Variants in ECPAS observed in about 807,000 individuals in gnomAD.
ECPAS encodes proteasome adapter and scaffold protein ECM29.
A neutral mutation model predicts 255.1 loss-of-function variants in ECPAS; 70 were observed. The ratio of observed to expected loss-of-function variants is 0.27; its 90% CI spans 0.23 to 0.33. The LOEUF (loss-of-function observed/expected upper bound fraction) is 0.33. ECPAS is among the 10% of genes least tolerant of loss of function. The pLI is 1.00. For synonymous variants in ECPAS, 784 were observed against 775.0 expected (o/e 1.01, Z -0.19); for missense variants, 1,817 against 2,206.4 (o/e 0.82, Z 3.54).
chr9:111,363,199 A>T (rs1443937773), intron 49 of ECPAS, among the ~76,000 whole-genome samples: 2 of 142,842 alleles, frequency 1.4e-5, no homozygotes, highest in African/African-American at 2.6e-5. Context: ...GTCAGATTTG[A>T]TGACTCAGGT....
intron 24 of ECPAS, among the ~76,000 whole-genome samples, chr9:111,408,051 G>A (rs548337859): frequency 6.6e-6 from 1 of 152,316 alleles, no homozygotes; most frequent in Admixed American, 6.5e-5. Flanking sequence ...AGTGCAAGGC[G>A]GCCAAAGAGG....
chr9:111,433,192 G>T, intron 8 of ECPAS, 41 bp downstream of exon 8: 3 of 1,595,238 alleles, frequency 1.9e-6, no homozygotes, highest in Non-Finnish European at 2.6e-6. Context: ...TTTTAGAAAT[G>T]TAGTCCTTTC....
chr9:111,397,469 T>C (rs1315774139), intron 24 of ECPAS, among the ~76,000 whole-genome samples: 9 of 152,194 alleles, frequency 5.9e-5, no homozygotes, highest in Admixed American at 4.6e-4. Flanking sequence ...CCCATCAACT[T>C]TGAAGCCATG....
chr9:111,471,646 C>T (rs571408647), intron 2 of ECPAS, among the ~76,000 whole-genome samples: 2 of 152,238 alleles, frequency 1.3e-5, no homozygotes, highest in African/African-American at 4.8e-5. Flanking sequence ...AATCAAAAGA[C>T]CATCTGATAT....
intron 35 of ECPAS, among the ~76,000 whole-genome samples, chr9:111,381,241 G>T (rs938973013): frequency 7.2e-5 from 11 of 152,096 alleles, no homozygotes; most frequent in Non-Finnish European, 1.5e-5. Flanking sequence ...TTATTAATTA[G>T]CCTAATTCCA....
intron 2 of ECPAS, among the ~76,000 whole-genome samples, chr9:111,472,334 A>G (rs909168000): frequency 2.6e-5 from 4 of 152,134 alleles, no homozygotes; most frequent in African/African-American, 7.2e-5. Flanking sequence ...ATTGTGGCAC[A>G]CAAAGTTGTT....
In ECPAS at chr9:111,423,216, A is replaced by T; in HGVS notation, c.1248T>A (p.Ala416=). 6.4e-7 allele frequency: 1 copy of T among 1,561,212 alleles called. No individual in the cohort carries two copies. Among genetic ancestry groups the T allele is most frequent in the Non-Finnish European group, 8.7e-7 (1 of 1,151,080 alleles). Residue 416 remains alanine, a synonymous_variant, in exon 13 of 50, where the codon GCT becomes GCA. Transcript: ENST00000684092. Reference sequence around the variant, plus strand: ...TTACTCACCTGGAGAGTTTTCCAACAGCTGAATATGCCATTGACAGTAGTT... The same window carrying T: ...TTACTCACCTGGAGAGTTTTCCAACTGCTGAATATGCCATTGACAGTAGTT... ...DPKLLSMAYS[A]VGKLSSRMPH...
At chr9:111,362,992 T>G (rs1303145221) in intron 49 of ECPAS, among the ~76,000 whole-genome samples, 2 of 152,122 alleles carry the variant, frequency 1.3e-5, no homozygotes, top group Non-Finnish European at 2.9e-5. Context: ...GAAAAACGTT[T>G]CCATCTTCTA....
chr9:111,480,772 C>T (rs2098303559), intron 1 of ECPAS, among the ~76,000 whole-genome samples: 2 of 152,170 alleles, frequency 1.3e-5, no homozygotes, highest in South Asian at 2.1e-4. Context: ...CCAAGTCCAC[C>T]GATATCTGTG....
intron 38 of ECPAS, among the ~76,000 whole-genome samples, chr9:111,374,454 T>C (rs982024011): frequency 6.6e-6 from 1 of 152,200 alleles, no homozygotes; most frequent in Non-Finnish European, 1.5e-5. Flanking sequence ...TAAATGATGT[T>C]ACATCCATAC....
intron 39 of ECPAS, 49 bp downstream of exon 39, chr9:111,373,923 A>G: frequency 7.2e-7 from 1 of 1,392,394 alleles, no homozygotes; most frequent in Non-Finnish European, 1.0e-6. Context: ...TCTGTCACAC[A>G]AGACAGGGCT....
rs373795578 is a variant in ECPAS, at chr9:111,412,121, T to A, written c.2107A>T (p.Met703Leu). Residue 703 changes from methionine (M) to leucine (L), a missense_variant, in exon 21 of 50, where the codon ATG becomes TTG. This residue lies in a region of ECPAS where 573 missense variants were observed against 716.2 expected (regional missense o/e 0.80). Transcript: ENST00000684092. Reference sequence around the variant, plus strand: ...TAAAACAACGCTGCCAGTTCGCGCATTTCTTCTTTACTGTTATTCATCAGA... The same window carrying A: ...TAAAACAACGCTGCCAGTTCGCGCAATTCTTCTTTACTGTTATTCATCAGA... ...KSLMNNSKEE[M>L]RELAALFYSV... is the part of the protein sequence containing the mutation. The A allele has an allele frequency of 6.3e-5, 101 of 1,590,566 alleles. No homozygotes were observed. The highest frequency in any genetic ancestry group is 8.3e-5 in the Non-Finnish European group (97 of 1,173,648).
chr9:111,484,116 C>T lies in ECPAS; in HGVS notation c.-83G>A. The T allele has an allele frequency of 1.4e-6, 2 of 1,440,812 alleles. No homozygotes were observed. The highest frequency in any genetic ancestry group is 2.5e-4 in the Middle Eastern group (1 of 4,024). The allele number at this position is 1,440,812 out of a possible 1,614,324, so 89.3% of individuals were successfully genotyped here. On this transcript the variant is annotated splice_region_variant and 5_prime_UTR_variant, in exon 1 of 50. Transcript: ENST00000684092. ...CGCGGCCCGGGGGCGGGCCTCTGAC[C>T]TGAGTCGGAGCCGGTCTCCATGCCG...
chr9:111,441,694 T>C (rs967116388), intron 5 of ECPAS, among the ~76,000 whole-genome samples: 3 of 152,352 alleles, frequency 2.0e-5, no homozygotes, highest in Admixed American at 2.0e-4. Context: ...ACTTGTAATG[T>C]CTATTAATTT....
chr9:111,405,673 G>A (rs1272348992), intron 24 of ECPAS, among the ~76,000 whole-genome samples: 1 of 149,818 alleles, frequency 6.7e-6, no homozygotes, highest in Non-Finnish European at 1.5e-5. Flanking sequence ...TACACAATAA[G>A]TAAGGAATTC....
intron 18 of ECPAS, among the ~76,000 whole-genome samples, 171 bp from the exon 19 acceptor site, chr9:111,414,822 A>AT (rs1168280055): frequency 2.0e-5 from 3 of 152,264 alleles, no homozygotes; most frequent in Non-Finnish European, 2.9e-5. Context: ...AATTTGTATA[A>AT]TAAGGTTTGC....
chr9:111,465,293 A>G (rs2132040806), intron 2 of ECPAS, among the ~76,000 whole-genome samples: 1 of 152,248 alleles, frequency 6.6e-6, no homozygotes, highest in Admixed American at 6.5e-5. Context: ...TAATCCCAGC[A>G]CTTTGGGAGG....
Position 111,375,112 on chromosome 9 carries a change from C to G in ECPAS, c.4110+1G>C. On this transcript the variant is annotated splice_donor_variant, in intron 38 of 49. Coordinates refer to ENST00000684092, the MANE Select transcript of ECPAS (RefSeq NM_001364929.1). LOFTEE classifies it high-confidence loss of function. ...TTTCCTCTTGTGGAAAGTACACTTA[C>G]CTTAGTTCCAAGACCTACACCACTT... 6.2e-7 allele frequency: 1 copy of G among 1,608,486 alleles called. No individual in the cohort carries two copies. Among genetic ancestry groups the G allele is most frequent in the Non-Finnish European group, 8.5e-7 (1 of 1,175,542 alleles).
rs147482089 is a variant in ECPAS at position 111,381,773 on chromosome 9, T to C, written c.3803+1438A>G. On this transcript the variant is annotated intron_variant, in intron 35 of 49. Coordinates refer to ENST00000684092, the MANE Select transcript of ECPAS (RefSeq NM_001364929.1). ...ATTAATGATTTTTTCATATCAAGTA[T>C]CCAAATTTCTCTGTTTCATTAGCTT... Among the ~76,000 whole-genome samples, 482 of 152,328 alleles carry C rather than the reference T, an allele frequency of 3.2e-3. 3 individuals are homozygous for C. Among genetic ancestry groups the C allele is most frequent in the African/African-American group, 0.011 (471 of 41,568 alleles).
Sources: allele counts gnomAD v4.1 joint callset (sites outside exome capture counted in the v4.1 genomes callset), GRCh38; gene constraint gnomAD v4.1.1; regional missense constraint gnomAD v4.1.1; transcripts MANE v1.5; gene names NCBI Gene and HGNC (gene_info 2026-07-23, HGNC 2026-07-21).